The following FRMPD4 variants were observed in gnomAD, a reference collection of about 807,000 sequenced individuals.
FRMPD4 encodes FERM and PDZ domain containing 4.
In FRMPD4, 22 loss-of-function variants were observed where a neutral mutation model predicts 94.1. The ratio of observed to expected loss-of-function variants is 0.23; its 90% CI spans 0.17 to 0.33. FRMPD4 has a LOEUF of 0.33. Ranked by LOEUF, FRMPD4 falls within the 10% of genes least tolerant of loss-of-function variation. FRMPD4 has a pLI of 1.00. For synonymous variants in FRMPD4, 631 were observed against 548.6 expected, an observed-to-expected ratio of 1.15 and a Z score of -2.10; for missense variants, 1,111 against 1,339.9, an observed-to-expected ratio of 0.83 and a Z score of 2.67.
chrX:12,032,562 T>C (rs2054698364), intron 3 of FRMPD4, among the ~76,000 whole-genome samples: 1 of 111,933 alleles, frequency 8.9e-6, no homozygotes, highest in African/African-American at 3.3e-5. Context: ...GAGGAAATTT[T>C]AAATTAATGT....
At chrX:12,450,836 T>C (rs762956821) in intron 1 of FRMPD4, among the ~76,000 whole-genome samples, 4 of 93,759 alleles carry the variant, frequency 4.3e-5, no homozygotes, top group African/African-American at 1.5e-4. Context: ...AACTCTTTGG[T>C]TTGGACTCAG....
chrX:12,388,513 G>A (rs2056428457), intron 1 of FRMPD4, among the ~76,000 whole-genome samples: 1 of 108,334 alleles, frequency 9.2e-6, no homozygotes, highest in Non-Finnish European at 1.9e-5. Flanking sequence ...GCTGAGGCAG[G>A]AAAATTGCTT....
At chrX:12,265,996 G>A (rs1488189551) in intron 1 of FRMPD4, among the ~76,000 whole-genome samples, 83 of 107,936 alleles carry the variant, frequency 7.7e-4, no homozygotes, top group African/African-American at 2.7e-3. Context: ...AGCCGGGCGC[G>A]GTGGCAGGCG....
intron 1 of FRMPD4, among the ~76,000 whole-genome samples, chrX:12,452,244 G>A (rs1432706797): frequency 8.9e-6 from 1 of 111,839 alleles, no homozygotes; most frequent in Non-Finnish European, 1.9e-5. Context: ...TTCTCAAATA[G>A]TAATGATTTT....
At chrX:12,038,332 A>G (rs184842632) in intron 3 of FRMPD4, among the ~76,000 whole-genome samples, 2 of 112,253 alleles carry the variant, frequency 1.8e-5, no homozygotes, top group East Asian at 5.6e-4. Context: ...CCATTCTAAG[A>G]GATGTATAGT....
intron 3 of FRMPD4, among the ~76,000 whole-genome samples, chrX:12,108,802 C>A: frequency 9.0e-6 from 1 of 111,469 alleles, no homozygotes; most frequent in East Asian, 2.8e-4. Context: ...GACTTTAAAC[C>A]AACAAAATCA....
chrX:12,577,932 C>T (rs2058827626), intron 2 of FRMPD4, among the ~76,000 whole-genome samples: 1 of 112,566 alleles, frequency 8.9e-6, no homozygotes, highest in African/African-American at 3.2e-5. Context: ...TTTATTTTAT[C>T]ACAGTTCTGG....
rs1334004627 is a variant in FRMPD4, at chrX:12,607,441, A to G, written c.159-2280A>G. On this transcript the variant is annotated intron_variant, in intron 2 of 16. Transcript: ENST00000675598. ...AGCATCACGGGTGTGTGACCCATTC[A>G]GTGACACAGGACCCTGGGCTGGGTT... is the stretch of plus-strand genomic sequence containing the variant. Among the ~76,000 whole-genome samples the G allele has an allele frequency of 2.7e-5, 3 of 111,869 alleles. No individual in the cohort carries two copies. The East Asian group carries it at 8.4e-4, about 31-fold the overall frequency.
At chrX:11,860,552 CCTGA>C (rs1244215029) in intron 1 of FRMPD4, among the ~76,000 whole-genome samples, 3 of 112,007 alleles carry the variant, frequency 2.7e-5, no homozygotes, top group African/African-American at 9.7e-5. Flanking sequence ...CCAGTTGGCA[CCTGA>C]CTAACTATTA....
intron 3 of FRMPD4, among the ~76,000 whole-genome samples, chrX:12,021,457 TTAAA>T (rs2054631834): frequency 8.9e-6 from 1 of 111,915 alleles, no homozygotes; most frequent in Admixed American, 9.5e-5. Context: ...CATTTGGGGC[TTAAA>T]TAACTCAATA....
intron 1 of FRMPD4, among the ~76,000 whole-genome samples, chrX:12,298,054 G>A (rs960151550): frequency 8.9e-6 from 1 of 112,114 alleles, no homozygotes; most frequent in African/African-American, 3.2e-5. Flanking sequence ...TTTGAGAAGA[G>A]AGGAAAGTGC....
At chrX:12,153,477 T>C (rs1437596569) in intron 1 of FRMPD4, among the ~76,000 whole-genome samples, 1 of 112,129 alleles carries the variant, frequency 8.9e-6, no homozygotes, top group Non-Finnish European at 1.9e-5. Context: ...AGTAAGCTGA[T>C]GAAACACGCA....
chrX:11,945,888 T>A (rs1417940000), intron 3 of FRMPD4, among the ~76,000 whole-genome samples: 1 of 112,146 alleles, frequency 8.9e-6, no homozygotes, highest in Non-Finnish European at 1.9e-5. Flanking sequence ...CCATATCACT[T>A]GTCCAAGGTT....
chrX:12,383,428 G>T (rs186257514), intron 1 of FRMPD4, among the ~76,000 whole-genome samples: 1 of 111,598 alleles, frequency 9.0e-6, no homozygotes, highest in East Asian at 2.8e-4. Context: ...ACCTCCTGCA[G>T]TGCGCAGGAC....
chrX:12,213,627 T>G (rs1408820228), intron 1 of FRMPD4, among the ~76,000 whole-genome samples: 1 of 112,130 alleles, frequency 8.9e-6, no homozygotes, highest in South Asian at 3.7e-4. Flanking sequence ...TTGAGGTTCT[T>G]GATGCATGAG....
intron 3 of FRMPD4, among the ~76,000 whole-genome samples, chrX:12,072,487 G>T (rs754756053): frequency 9.0e-6 from 1 of 111,605 alleles, no homozygotes; most frequent in Non-Finnish European, 1.9e-5. Context: ...ATGGCTTTGT[G>T]CACTATGTAA....
intron 3 of FRMPD4, among the ~76,000 whole-genome samples, chrX:11,950,079 G>C (rs1344590630): frequency 9.0e-6 from 1 of 111,312 alleles, no homozygotes; most frequent in Non-Finnish European, 1.9e-5. Flanking sequence ...ACCAGGTGGA[G>C]GTAGTTGGAT....
chrX:12,550,020 T>C (rs2058517524), intron 2 of FRMPD4, among the ~76,000 whole-genome samples: 1 of 112,056 alleles, frequency 8.9e-6, no homozygotes, highest in African/African-American at 3.2e-5. Context: ...ATATCTAATA[T>C]ACAAAGTTAG....
chrX:11,845,691 G>C (rs1266675372), intron 1 of FRMPD4, among the ~76,000 whole-genome samples: 1 of 110,376 alleles, frequency 9.1e-6, no homozygotes, highest in Non-Finnish European at 1.9e-5. Flanking sequence ...ATGATCAAGT[G>C]GGCTTCATCC....
Sources: allele counts gnomAD v4.1 joint callset (sites outside exome capture counted in the v4.1 genomes callset), GRCh38; gene constraint gnomAD v4.1.1; transcripts MANE v1.5; gene names NCBI Gene and HGNC (gene_info 2026-07-23, HGNC 2026-07-21).